The following HMCN1 variants were observed in gnomAD, a reference collection of about 807,000 sequenced individuals.
HMCN1 encodes hemicentin-1.
In HMCN1, 321 loss-of-function variants were observed where a neutral mutation model predicts 625.9. The ratio of observed to expected loss-of-function variants is 0.51; its 90% confidence interval spans 0.47 to 0.56. The LOEUF (loss-of-function observed/expected upper bound fraction) is 0.56. HMCN1 is among the 20% of genes least tolerant of loss of function. HMCN1 has a pLI of 0.00. For missense variants in HMCN1, 6,588 were observed against 6,887.3 expected (o/e 0.96, Z 1.54); for synonymous variants, 2,425 against 2,417.6 (o/e 1.00, Z -0.09).
chr1:186,053,181 A>T, intron 43 of HMCN1, 107 bp downstream of exon 43: 5 of 1,054,168 alleles, frequency 4.7e-6, no homozygotes, highest in Non-Finnish European at 7.2e-6. Context: ...TGGGGTTTGC[A>T]TACTAAATGC....
At chr1:185,818,595 G>A (rs1039793555) in intron 1 of HMCN1, among the ~76,000 whole-genome samples, 1 of 152,070 alleles carries the variant, frequency 6.6e-6, no homozygotes, top group African/African-American at 2.4e-5. Context: ...ATACAATATG[G>A]ATTTTTATTA....
Position 186,016,134 on chromosome 1 carries a change from A to G in HMCN1, c.5086A>G (p.Lys1696Glu). The G allele has an allele frequency of 1.2e-6, 2 of 1,613,492 alleles. No individual in the cohort carries two copies. The highest frequency in any genetic ancestry group is 8.5e-7 in the Non-Finnish European group (1 of 1,179,576). The change falls in exon 32 of 107, where the codon AAA (lysine) becomes GAA (glutamate). Residue 1696 changes from lysine (K) to glutamate (E), a missense_variant. Physicochemically the swap from Lys to Glu is moderately conservative, Grantham distance 56. This residue lies in a region of HMCN1 where 4,628 missense variants were observed against 4,853.1 expected (regional missense o/e 0.95). Coordinates refer to ENST00000271588, the MANE Select transcript of HMCN1 (RefSeq NM_031935.3). ...DNIRIEAGGKKLEIMSAQEID... is the reference protein window; with the variant it reads ...DNIRIEAGGKELEIMSAQEID... The stretch of plus-strand genomic sequence containing the variant: ...TATCCGCATAGAAGCTGGTGGGAAG[A>G]AACTCGAAATCATGAGTGCCCAAGA...
intron 1 of HMCN1, among the ~76,000 whole-genome samples, chr1:185,742,869 G>T (rs1183966139): frequency 6.6e-6 from 1 of 152,142 alleles, no homozygotes; most frequent in African/African-American, 2.4e-5. Context: ...GCGTAACAAA[G>T]ACTTTCTCTT....
intron 67 of HMCN1, 111 bp from the exon 68 acceptor site, chr1:186,095,132 T>C: frequency 9.4e-7 from 1 of 1,068,948 alleles, no homozygotes; most frequent in Non-Finnish European, 1.4e-6. Flanking sequence ...TTTTAAAGTA[T>C]ATATTTTTAT....
intron 5 of HMCN1, among the ~76,000 whole-genome samples, chr1:185,909,728 G>A (rs1666306728): frequency 6.6e-6 from 1 of 152,058 alleles, no homozygotes; most frequent in Non-Finnish European, 1.5e-5. Context: ...CGTATTTAAA[G>A]AGGTCAGATG....
intron 100 of HMCN1, among the ~76,000 whole-genome samples, chr1:186,170,365 C>T (rs747509174): frequency 9.2e-5 from 14 of 152,118 alleles, no homozygotes; most frequent in Non-Finnish European, 1.8e-4. Context: ...TAAATTAGTT[C>T]AATCATTGTG....
At chr1:186,168,958 C>T (rs1450701236) in intron 100 of HMCN1, among the ~76,000 whole-genome samples, 2 of 152,116 alleles carry the variant, frequency 1.3e-5, no homozygotes, top group Non-Finnish European at 2.9e-5. Flanking sequence ...TGATATTCCC[C>T]TCCCTGTGTC....
rs565308054 is a variant in HMCN1 at position 186,063,092 on chromosome 1, A to ATG, written c.7513+493_7513+494insGT. Among the ~76,000 whole-genome samples, 806 of 125,624 alleles carry ATG rather than the reference A, an allele frequency of 6.4e-3. 36 individuals carry two copies. The highest frequency in any genetic ancestry group is 0.026 in the African/African-American group (785 of 30,218). 82.4% of individuals were successfully genotyped at this position (125,624 alleles called of 152,430 possible). A position where few individuals can be genotyped will look rare whatever the true frequency, so the allele number is the denominator to read the frequency against. ...CATATATATATATATATATATATAT[A>ATG]TATATATATATCACATTTTCATTAC... On this transcript the variant is annotated intron_variant, in intron 48 of 106. Coordinates refer to ENST00000271588, the MANE Select transcript of HMCN1 (RefSeq NM_031935.3).
In HMCN1 at chr1:185,749,246, C is replaced by G. The variant is rs550466712; in HGVS notation, c.268+14199C>G. Reference sequence around the variant, plus strand: ...AAGGACTTAGTATAATTGTCATTCACAAAATGTTAGTTTAATTGTGCTTGG... The same window carrying G: ...AAGGACTTAGTATAATTGTCATTCAGAAAATGTTAGTTTAATTGTGCTTGG... On this transcript the variant is annotated intron_variant, in intron 1 of 106. Coordinates refer to ENST00000271588, the MANE Select transcript of HMCN1 (RefSeq NM_031935.3). Among the ~76,000 whole-genome samples the G allele has an allele frequency of 2.0e-5, 3 of 152,258 alleles. No homozygotes were observed. In the South Asian group the frequency reaches 6.2e-4, roughly 32 times the overall value.
intron 2 of HMCN1, among the ~76,000 whole-genome samples, chr1:185,859,131 T>C (rs1662708796): frequency 1.4e-5 from 1 of 72,812 alleles, no homozygotes; most frequent in South Asian, 3.9e-4. Flanking sequence ...ATAAACTTTG[T>C]GTGTGTGTGT....
At chr1:185,743,179 A>G (rs1210274237) in intron 1 of HMCN1, among the ~76,000 whole-genome samples, 1 of 152,290 alleles carries the variant, frequency 6.6e-6, no homozygotes, top group East Asian at 1.9e-4. Flanking sequence ...CAGCCACACA[A>G]TAGACACTCA....
At chr1:185,794,106 G>T (rs2102207295) in intron 1 of HMCN1, among the ~76,000 whole-genome samples, 1 of 152,066 alleles carries the variant, frequency 6.6e-6, no homozygotes, top group African/African-American at 2.4e-5. Context: ...ATTTGTTTCA[G>T]TTGTCCAGTG....
intron 97 of HMCN1, among the ~76,000 whole-genome samples, chr1:186,162,805 AG>A (rs1327356271): frequency 6.6e-6 from 1 of 152,154 alleles, no homozygotes; most frequent in African/African-American, 2.4e-5. Flanking sequence ...CGGCCCTGTG[AG>A]GTGTCAGTCT....
intron 1 of HMCN1, among the ~76,000 whole-genome samples, chr1:185,799,178 G>T (rs1347083180): frequency 2.6e-5 from 4 of 152,164 alleles, no homozygotes; most frequent in East Asian, 1.9e-4. Flanking sequence ...TTCTTCAAAT[G>T]CTGGTTGTAG....
chr1:186,154,181 A>G (rs1194863203), intron 97 of HMCN1, among the ~76,000 whole-genome samples, 194 bp downstream of exon 97: 2 of 152,218 alleles, frequency 1.3e-5, no homozygotes, highest in African/African-American at 4.8e-5. Context: ...TACTTTACTA[A>G]TATACTTCTT....
intron 103 of HMCN1, among the ~76,000 whole-genome samples, chr1:186,177,986 T>A (rs1033806932): frequency 6.6e-6 from 1 of 152,134 alleles, no homozygotes; most frequent in Non-Finnish European, 1.5e-5. Context: ...AGATTTAAAA[T>A]CTTAATGTTA....
Position 185,892,515 on chromosome 1 carries a change from G to A in HMCN1, c.622-16822G>A, listed in dbSNP as rs1381063871. ...GTGTGGATGTCCTTTCTGTCTGTTA[G>A]TTTTCCTTCTAACAGACAGGACCCT... On this transcript the variant is annotated intron_variant, in intron 4 of 106. Coordinates refer to ENST00000271588, the MANE Select transcript of HMCN1 (RefSeq NM_031935.3). Among the ~76,000 whole-genome samples, 4 of 151,904 alleles carry A rather than the reference G, an allele frequency of 2.6e-5. No individual in the cohort carries two copies. The East Asian group carries it at 5.8e-4, about 22-fold the overall frequency.
intron 16 of HMCN1, chr1:185,978,293 C>T: frequency 3.6e-6 from 1 of 277,164 alleles, no homozygotes; most frequent in Non-Finnish European, 6.8e-6. Flanking sequence ...GTCACATTAC[C>T]TTGATTCTTG....
chr1:186,156,311 A>G (rs1478977657), intron 97 of HMCN1, among the ~76,000 whole-genome samples: 2 of 152,160 alleles, frequency 1.3e-5, no homozygotes, highest in East Asian at 3.8e-4. Flanking sequence ...ATTGACAACC[A>G]TGATTAATCT....
Sources: allele counts gnomAD v4.1 joint callset (sites outside exome capture counted in the v4.1 genomes callset), GRCh38; gene constraint gnomAD v4.1.1; regional missense constraint gnomAD v4.1.1; transcripts MANE v1.5; gene names NCBI Gene and HGNC (gene_info 2026-07-23, HGNC 2026-07-21).